The following PHACTR2 variants were observed in gnomAD, a reference collection of about 807,000 sequenced individuals.
The protein encoded by PHACTR2 is phosphatase and actin regulator 2.
Under a neutral mutation model 76.0 loss-of-function variants are expected in PHACTR2, and 30 were observed. That is an observed-to-expected ratio of 0.39 (90% CI 0.30 to 0.54). The LOEUF (loss-of-function observed/expected upper bound fraction) is 0.54. PHACTR2 is among the 20% of genes least tolerant of loss of function. The probability of loss-of-function intolerance (pLI) is 0.61; values close to 1 mark genes in which losing one functional copy is unlikely to be tolerated. For missense variants in PHACTR2, 696 were observed against 781.1 expected (o/e 0.89, Z 1.30); for synonymous variants, 292 against 292.5 (o/e 1.00, Z 0.02).
chr6:143,792,631 T>C (rs1562309742), intron 11 of PHACTR2, among the ~76,000 whole-genome samples: 1 of 152,328 alleles, frequency 6.6e-6, no homozygotes, highest in South Asian at 2.1e-4. Flanking sequence ...GGTCACTCAA[T>C]GTTATTCAGC....
At chr6:143,687,490 A>G (rs1038927442) in intron 1 of PHACTR2, among the ~76,000 whole-genome samples, 1 of 152,210 alleles carries the variant, frequency 6.6e-6, no homozygotes, top group East Asian at 1.9e-4. Flanking sequence ...TGCAAAAGTG[A>G]TATTAAGGAT....
At chr6:143,745,112 T>A (rs565778550) in intron 2 of PHACTR2, among the ~76,000 whole-genome samples, 1 of 152,282 alleles carries the variant, frequency 6.6e-6, no homozygotes, top group Admixed American at 6.5e-5. Context: ...CCTGGCAGTA[T>A]CTTGGTTGTG....
Position 143,549,381 on chromosome 6 carries a change from G to C in PHACTR2, c.217+12174G>C, listed in dbSNP as rs1775057699. 6.6e-6 allele frequency among the ~76,000 whole-genome samples: 1 copy of C among 152,062 alleles called. No homozygotes were observed. The highest frequency in any genetic ancestry group is 2.4e-5 in the African/African-American group (1 of 41,442). ...GGATGGCATTCCTTTGGCTTAATCT[G>C]ATGAAACATTTCTCAGCAAGGGTTT... is the stretch of plus-strand genomic sequence containing the variant. On this transcript the variant is annotated intron_variant, in intron 1 of 11. Transcript: ENST00000367584. This position sits in a 1 kb window ranked among gnomAD's most constrained non-coding sequence, Gnocchi z 4.2.
At chr6:143,676,648 C>T (rs896456335), upstream of PHACTR2, among the ~76,000 whole-genome samples, 1 of 151,802 alleles carries the variant, frequency 6.6e-6, no homozygotes, top group Non-Finnish European at 1.5e-5. The surrounding 1 kb of genome is among the most constrained non-coding windows in gnomAD (Gnocchi z 4.8). Flanking sequence ...GGATGTGTTT[C>T]CAAAACACAT....
rs1343991306 is a variant in PHACTR2 at position 143,819,294 on chromosome 6, T to C, written c.1923-4380T>C. ...AAACTATTACCAAGTCAACAATAAATACACATGAGCATTTCAGATAGTGCT... is the reference window on the plus strand; with the variant it reads ...AAACTATTACCAAGTCAACAATAAACACACATGAGCATTTCAGATAGTGCT... On this transcript the variant is annotated intron_variant, in intron 12 of 12. Coordinates refer to ENST00000440869, the MANE Select transcript of PHACTR2 (RefSeq NM_001100164.2). This position sits in a 1 kb window ranked among gnomAD's most constrained non-coding sequence, Gnocchi z 5.0. Among the ~76,000 whole-genome samples the C allele has an allele frequency of 6.6e-6, 1 of 152,058 alleles. No individual in the cohort carries two copies. Among genetic ancestry groups the C allele is most frequent in the Non-Finnish European group, 1.5e-5 (1 of 68,020 alleles).
chr6:143,805,891 G>A (rs770195084), intron 11 of PHACTR2, among the ~76,000 whole-genome samples: 1 of 152,120 alleles, frequency 6.6e-6, no homozygotes, highest in Non-Finnish European at 1.5e-5. Flanking sequence ...ATGAGAGAGA[G>A]CTAGAGACAG....
rs539298235 is a variant in PHACTR2, at chr6:143,759,821, A to G, written c.455-580A>G. On this transcript the variant is annotated intron_variant, in intron 4 of 12. Coordinates refer to ENST00000440869, the MANE Select transcript of PHACTR2 (RefSeq NM_001100164.2). ...TCATTCTAAAGCGCATTGTTGCCTC[A>G]TGTAAAAGATTCTCCAGAGTCTCTC... Among the ~76,000 whole-genome samples the G allele has an allele frequency of 8.4e-4, 128 of 152,282 alleles. 2 individuals are homozygous for G. Among genetic ancestry groups the G allele is most frequent in the Admixed American group, 8.4e-3 (128 of 15,288 alleles).
intron 1 of PHACTR2, among the ~76,000 whole-genome samples, chr6:143,669,469 G>C (rs562895707): frequency 1.3e-5 from 2 of 152,100 alleles, no homozygotes; most frequent in Non-Finnish European, 2.9e-5. Flanking sequence ...ATTGACAGTG[G>C]GGTGTTAAAG....
rs955979106 is a variant in PHACTR2, at chr6:143,722,868, G to C, written c.214+10685G>C. Among the ~76,000 whole-genome samples, 3 of 152,062 alleles carry C rather than the reference G, an allele frequency of 2.0e-5. No individual in the cohort carries two copies. The highest frequency in any genetic ancestry group is 4.8e-5 in the African/African-American group (2 of 41,392). Reference sequence around the variant, plus strand: ...GAGAACATGCAACATTTGTCTTTCTGTACCTGGCTTATTTTACTTAACATA... The same window carrying C: ...GAGAACATGCAACATTTGTCTTTCTCTACCTGGCTTATTTTACTTAACATA... On this transcript the variant is annotated intron_variant, in intron 2 of 12. Transcript: ENST00000440869. This position sits in a 1 kb window ranked among gnomAD's most constrained non-coding sequence, Gnocchi z 4.1.
chr6:143,818,867 A>G lies in PHACTR2; in HGVS notation c.1923-4807A>G, dbSNP rs139639178. Among the ~76,000 whole-genome samples the G allele has an allele frequency of 4.5e-3, 682 of 152,342 alleles. 7 individuals carry two copies. Among genetic ancestry groups the G allele is most frequent in the African/African-American group, 0.016 (648 of 41,570 alleles). Reference sequence around the variant, plus strand: ...TTCGGAGGGAACACAGCCAAACCATATCAATTTGCCTTTCACATTGTATAT... The same window carrying G: ...TTCGGAGGGAACACAGCCAAACCATGTCAATTTGCCTTTCACATTGTATAT... On this transcript the variant is annotated intron_variant, in intron 12 of 12. Transcript: ENST00000440869. The surrounding 1 kb of genome is among the most constrained non-coding windows in gnomAD (Gnocchi z 4.9).
At chr6:143,802,146 A>G (rs1049659289) in intron 11 of PHACTR2, among the ~76,000 whole-genome samples, 6 of 152,076 alleles carry the variant, frequency 3.9e-5, no homozygotes, top group African/African-American at 1.4e-4. Flanking sequence ...TTTCCTCTCT[A>G]TAATTCTCAT....
intron 1 of PHACTR2, among the ~76,000 whole-genome samples, chr6:143,693,966 G>T (rs1384773201): frequency 6.6e-6 from 1 of 152,132 alleles, no homozygotes; most frequent in Non-Finnish European, 1.5e-5. Flanking sequence ...ATACCCAAGA[G>T]TCCAAGATGG....
At position 143,689,120 on chromosome 6, in the gene PHACTR2, A is replaced by G. The variant is rs74377504; in HGVS notation, c.46+10911A>G. Among the ~76,000 whole-genome samples, 3,704 of 152,284 alleles carry G rather than the reference A, an allele frequency of 0.024. 52 individuals carry two copies. The highest frequency in any genetic ancestry group is 0.043 in the South Asian group (207 of 4,828). ...ACACTCTTCCCTTCGCTCTTCGCCAAGCTGACTCCTTGTTTCGGCTGGATC... is the reference window on the plus strand; with the variant it reads ...ACACTCTTCCCTTCGCTCTTCGCCAGGCTGACTCCTTGTTTCGGCTGGATC... On this transcript the variant is annotated intron_variant, in intron 1 of 12. Coordinates refer to ENST00000440869, the MANE Select transcript of PHACTR2 (RefSeq NM_001100164.2). This position sits in a 1 kb window ranked among gnomAD's most constrained non-coding sequence, Gnocchi z 4.4.
chr6:143,783,230 G>A lies in PHACTR2; in HGVS notation c.1657G>A (p.Glu553Lys). 1.2e-6 allele frequency: 2 copies of A among 1,604,686 alleles called. No homozygotes were observed. The highest frequency in any genetic ancestry group is 1.7e-6 in the Non-Finnish European group (2 of 1,172,036). Reference sequence around the variant, plus strand: ...CCTTTAATAAACAGAAAAGAATGAAGAAGAGGAACAAGAAGCAAAAATGGA... The same window carrying A: ...CCTTTAATAAACAGAAAAGAATGAAAAAGAGGAACAAGAAGCAAAAATGGA... ...QRNILKQKNE[E>K]EEQEAKMELK... Residue 553 changes from glutamate (E) to lysine (K), a missense_variant, in exon 10 of 13, where the codon GAA becomes AAA. Transcript: ENST00000440869. This position sits in a 1 kb window ranked among gnomAD's most constrained non-coding sequence, Gnocchi z 5.2.
chr6:143,631,338 A>C (rs1328552662), intron 1 of PHACTR2, among the ~76,000 whole-genome samples: 1 of 152,048 alleles, frequency 6.6e-6, no homozygotes, highest in Non-Finnish European at 1.5e-5. Flanking sequence ...CCACAGGTGC[A>C]GACCACCACC....
rs1779174881 is a variant in PHACTR2 at position 143,751,199 on chromosome 6, A to G, written c.295+2134A>G. 6.6e-6 allele frequency among the ~76,000 whole-genome samples: 1 copy of G among 152,200 alleles called. No individual in the cohort carries two copies. The highest frequency in any genetic ancestry group is 1.5e-5 in the Non-Finnish European group (1 of 68,026). ...AAGCCCTTTATTCAGTGAGCCAGAT[A>G]GACTTTAAAAATCCCTCTAGCTACC... On this transcript the variant is annotated intron_variant, in intron 3 of 12. Transcript: ENST00000440869. This position sits in a 1 kb window ranked among gnomAD's most constrained non-coding sequence, Gnocchi z 5.7.
chr6:143,663,618 A>T lies in PHACTR2; in HGVS notation c.14-48398A>T, dbSNP rs1269361870. 6.6e-6 allele frequency among the ~76,000 whole-genome samples: 1 copy of T among 152,122 alleles called. No individual in the cohort carries two copies. Among genetic ancestry groups the T allele is most frequent in the Non-Finnish European group, 1.5e-5 (1 of 68,030 alleles). The stretch of plus-strand genomic sequence containing the variant: ...ACATTAGCTTAATTCTACATGTTTT[A>T]TAGTGCTTTCATTGTTGTTTAGTTC... On this transcript the variant is annotated intron_variant, in intron 1 of 11. Transcript: ENST00000305766. This position sits in a 1 kb window ranked among gnomAD's most constrained non-coding sequence, Gnocchi z 4.1.
upstream of PHACTR2, among the ~76,000 whole-genome samples, chr6:143,603,634 C>T (rs995989579): frequency 6.6e-6 from 1 of 152,236 alleles, no homozygotes; most frequent in East Asian, 1.9e-4. Flanking sequence ...TCTTTCTTGC[C>T]CAGATCTTCC....
chr6:143,656,247 A>T lies in PHACTR2; in HGVS notation c.13+47925A>T, dbSNP rs1378264172. On this transcript the variant is annotated intron_variant, in intron 1 of 11. Coordinates refer to the PHACTR2 transcript ENST00000305766. This position sits in a 1 kb window ranked among gnomAD's most constrained non-coding sequence, Gnocchi z 5.3. ...CCAGGGACTTCCTCTGACCTTGGCAACTCAGTTACCTCCTGTGAGCCTAAG... is the reference window on the plus strand; with the variant it reads ...CCAGGGACTTCCTCTGACCTTGGCATCTCAGTTACCTCCTGTGAGCCTAAG... Among the ~76,000 whole-genome samples the T allele has an allele frequency of 6.6e-6, 1 of 152,152 alleles. No homozygotes were observed. Among genetic ancestry groups the T allele is most frequent in the African/African-American group, 2.4e-5 (1 of 41,440 alleles).
Sources: allele counts gnomAD v4.1 joint callset (sites outside exome capture counted in the v4.1 genomes callset), GRCh38; gene constraint gnomAD v4.1.1; non-coding constraint Gnocchi (gnomAD v3.1); transcripts MANE v1.5; gene names NCBI Gene and HGNC (gene_info 2026-07-23, HGNC 2026-07-21).